The following GPC5 variants were observed in gnomAD, a reference collection of about 807,000 sequenced individuals.
GPC5 encodes the protein glypican-5.
In GPC5, 47 loss-of-function variants were observed where a neutral mutation model predicts 53.9. That is an observed-to-expected ratio of 0.87 (90% CI 0.69 to 1.11). GPC5 has a LOEUF of 1.11. Ranked by LOEUF, GPC5 falls within the 50% of genes most tolerant of loss-of-function variation. The probability of loss-of-function intolerance (pLI) is 0.00; values close to 1 mark genes in which losing one functional copy is unlikely to be tolerated. For synonymous variants in GPC5, 286 were observed against 263.3 expected (o/e 1.09, Z -0.84); for missense variants, 748 against 713.1 (o/e 1.05, Z -0.56).
At chr13:91,967,515 G>C (rs2040192414) in intron 6 of GPC5, among the ~76,000 whole-genome samples, 1 of 151,872 alleles carries the variant, frequency 6.6e-6, no homozygotes, top group African/African-American at 2.4e-5. Flanking sequence ...ATTTTTCCCA[G>C]TCTTTGTCTA....
chr13:91,623,170 G>T (rs141045742), intron 2 of GPC5, among the ~76,000 whole-genome samples: 14 of 152,204 alleles, frequency 9.2e-5, no homozygotes, highest in Admixed American at 9.2e-4. Context: ...TTATTTTAAT[G>T]CCAAGTAATG....
chr13:91,986,160 G>T (rs2040405981), intron 6 of GPC5, among the ~76,000 whole-genome samples: 1 of 136,110 alleles, frequency 7.3e-6, no homozygotes, highest in Non-Finnish European at 1.5e-5. Context: ...CCGCCTCCCA[G>T]GTTCATACCA....
intron 7 of GPC5, among the ~76,000 whole-genome samples, chr13:92,757,535 T>C (rs773978627): frequency 2.6e-5 from 4 of 151,796 alleles, no homozygotes; most frequent in East Asian, 1.9e-4. Context: ...ACCATCAGAG[T>C]GAACAGGCAA....
At chr13:92,765,467 A>G (rs1488856254) in intron 7 of GPC5, among the ~76,000 whole-genome samples, 1 of 152,216 alleles carries the variant, frequency 6.6e-6, no homozygotes, top group Admixed American at 6.5e-5. Flanking sequence ...AAGAACTCTA[A>G]ATCTGAAGCC....
intron 7 of GPC5, among the ~76,000 whole-genome samples, chr13:92,312,645 T>C (rs1305129067): frequency 1.3e-5 from 2 of 152,180 alleles, no homozygotes; most frequent in African/African-American, 4.8e-5. Flanking sequence ...CTTTCAAAAT[T>C]CATCATAAAA....
At chr13:92,507,917 AAAG>A (rs1423808403) in intron 7 of GPC5, among the ~76,000 whole-genome samples, 1 of 152,158 alleles carries the variant, frequency 6.6e-6, no homozygotes, top group African/African-American at 2.4e-5. Flanking sequence ...CTATTGCTGA[AAAG>A]AAAGTCCTGC....
intron 5 of GPC5, among the ~76,000 whole-genome samples, chr13:91,888,249 A>T (rs2039347194): frequency 6.6e-6 from 1 of 152,150 alleles, no homozygotes; most frequent in African/African-American, 2.4e-5. Flanking sequence ...ATTCACGATC[A>T]CAAGAACAGC....
chr13:91,690,271 G>A (rs1197598225), intron 2 of GPC5, among the ~76,000 whole-genome samples: 4 of 151,696 alleles, frequency 2.6e-5, no homozygotes, highest in African/African-American at 4.8e-5. Flanking sequence ...TTAGAGAAAA[G>A]TTTTAAAATT....
chr13:92,231,067 T>A (rs958576183), intron 7 of GPC5, among the ~76,000 whole-genome samples: 2 of 152,166 alleles, frequency 1.3e-5, no homozygotes, highest in African/African-American at 4.8e-5. Flanking sequence ...GGTAAGTTAA[T>A]CATCCTGTCA....
At chr13:91,525,215 T>C (rs775821005) in intron 2 of GPC5, among the ~76,000 whole-genome samples, 59 of 152,304 alleles carry the variant, frequency 3.9e-4, no homozygotes, top group Non-Finnish European at 7.4e-4. Context: ...CCAAGAAATG[T>C]TATTAGTAGT....
chr13:92,562,023 A>G (rs914571656), intron 7 of GPC5, among the ~76,000 whole-genome samples: 1 of 152,064 alleles, frequency 6.6e-6, no homozygotes, highest in East Asian at 1.9e-4. Context: ...TCCACTTGAT[A>G]CAGTAGCTGA....
At chr13:91,745,622 A>G (rs1019977590) in intron 4 of GPC5, among the ~76,000 whole-genome samples, 6 of 152,110 alleles carry the variant, frequency 3.9e-5, no homozygotes, top group Non-Finnish European at 7.4e-5. Context: ...TTAGGGGAAA[A>G]AAAAATCTGT....
intron 2 of GPC5, among the ~76,000 whole-genome samples, chr13:91,638,184 T>C (rs2034328955): frequency 6.6e-6 from 1 of 152,162 alleles, no homozygotes; most frequent in Admixed American, 6.5e-5. Flanking sequence ...TGGACAGTGG[T>C]GTACCTTCTG....
At chr13:91,669,520 C>T (rs2035195343) in intron 2 of GPC5, among the ~76,000 whole-genome samples, 1 of 152,038 alleles carries the variant, frequency 6.6e-6, no homozygotes, top group Non-Finnish European at 1.5e-5. Context: ...CCTCCAATGA[C>T]CTTCTAAGAG....
At chr13:91,881,327 A>G (rs978181505) in intron 5 of GPC5, among the ~76,000 whole-genome samples, 6 of 152,094 alleles carry the variant, frequency 3.9e-5, no homozygotes, top group Non-Finnish European at 5.9e-5. Flanking sequence ...ATTCTAATTT[A>G]TATCTTTTTA....
At position 92,571,696 on chromosome 13, in the gene GPC5, T is replaced by C. The variant is rs567901784; in HGVS notation, c.1562-294586T>C. 2.0e-4 allele frequency among the ~76,000 whole-genome samples: 31 copies of C among 152,314 alleles called. No individual in the cohort carries two copies. In the South Asian group the frequency reaches 6.4e-3, roughly 32 times the overall value. On this transcript the variant is annotated intron_variant, in intron 7 of 7. Transcript: ENST00000377067. ...ATCCAATAAAATATAAATATGAAAC[T>C]GCATTCCAAATCCAAATATGGCAAA...
chr13:92,139,791 G>T (rs1382515466), intron 6 of GPC5, among the ~76,000 whole-genome samples: 1 of 151,984 alleles, frequency 6.6e-6, no homozygotes, highest in Admixed American at 6.6e-5. Flanking sequence ...GAACATCAGG[G>T]TCTTTGATGA....
intron 6 of GPC5, among the ~76,000 whole-genome samples, chr13:91,961,238 T>TATTA (rs557566627): frequency 5.2e-4 from 79 of 152,086 alleles, no homozygotes; most frequent in Non-Finnish European, 9.3e-4. Context: ...ATACTCTGAC[T>TATTA]TAATCATTAC....
intron 2 of GPC5, among the ~76,000 whole-genome samples, chr13:91,450,117 A>G (rs1293014374): frequency 1.3e-5 from 2 of 152,172 alleles, no homozygotes; most frequent in African/African-American, 4.8e-5. Flanking sequence ...GTAGTTCATG[A>G]TGAATTAATG....
Sources: gnomAD v4.1 joint callset for allele counts (sites outside exome capture counted in the v4.1 genomes callset) on GRCh38, gnomAD v4.1.1 for gene constraint, MANE v1.5 for transcripts, NCBI Gene and HGNC (gene_info 2026-07-23, HGNC 2026-07-21) for gene names.